The following FAF1 variants were observed in gnomAD, a reference collection of about 807,000 sequenced individuals.
FAF1 encodes Fas associated factor 1.
Under a neutral mutation model 92.5 loss-of-function variants are expected in FAF1, and 25 were observed. The observed-to-expected ratio is 0.27, with a 90% CI of 0.20 to 0.38. The LOEUF (loss-of-function observed/expected upper bound fraction) is 0.38, where lower values mean the gene tolerates loss of function less well. Ranked by LOEUF, FAF1 falls within the 10% of genes least tolerant of loss-of-function variation. The pLI, the probability that FAF1 is intolerant of heterozygous loss-of-function variation, is 1.00. For synonymous variants in FAF1, 234 were observed against 273.2 expected (o/e 0.86, Z 1.42); for missense variants, 636 against 793.3 (o/e 0.80, Z 2.38).
chr1:50,551,239 T>C (rs1649297600), intron 13 of FAF1, among the ~76,000 whole-genome samples: 2 of 152,086 alleles, frequency 1.3e-5, no homozygotes, highest in Non-Finnish European at 1.5e-5. Flanking sequence ...CAGACATATA[T>C]ACAGAGGGAA....
At chr1:50,954,781 G>A (rs904987310) in intron 1 of FAF1, among the ~76,000 whole-genome samples, 8 of 152,084 alleles carry the variant, frequency 5.3e-5, no homozygotes, top group Non-Finnish European at 1.2e-4. Flanking sequence ...GACCTCAAGT[G>A]ATCCGCCTGC....
intron 18 of FAF1, among the ~76,000 whole-genome samples, chr1:50,456,196 TATCCTCCTGCCTC>T (rs1646350621): frequency 6.6e-6 from 1 of 152,092 alleles, no homozygotes; most frequent in South Asian, 2.1e-4. Context: ...GGGCTCAAGT[TATCCTCCTGCCTC>T]AGCCTCCTGA....
At chr1:50,615,794 C>T (rs116039828) in intron 8 of FAF1, among the ~76,000 whole-genome samples, 1,976 of 151,860 alleles carry the variant, frequency 0.013, 43 homozygotes, top group African/African-American at 0.044. Context: ...GTATTTTCTC[C>T]CATTCTGTAT....
intron 1 of FAF1, among the ~76,000 whole-genome samples, chr1:50,911,891 A>G (rs1248530592): frequency 6.6e-6 from 1 of 151,816 alleles, no homozygotes; most frequent in Admixed American, 6.6e-5. Flanking sequence ...AGAAAAATCA[A>G]TCAGGCATGG....
In FAF1 at chr1:50,583,764, A is replaced by G; in HGVS notation, c.968-49T>C. The G allele has an allele frequency of 4.7e-6, 6 of 1,271,074 alleles. No individual in the cohort carries two copies. Among genetic ancestry groups the G allele is most frequent in the Non-Finnish European group, 6.7e-6 (6 of 892,406 alleles). 78.7% of individuals were successfully genotyped at this position (1,271,074 alleles called of 1,614,324 possible). ...ACAAAAACAAAAAAACAAAACAAAT[A>G]GACACAAAAACAAACCACATAACAT... On this transcript the variant is annotated intron_variant, in intron 10 of 18. Coordinates refer to ENST00000396153, the MANE Select transcript of FAF1 (RefSeq NM_007051.3). The surrounding 1 kb of genome is among the most constrained non-coding windows in gnomAD (Gnocchi z 4.2).
At chr1:50,923,771 C>T (rs1321922043) in intron 1 of FAF1, among the ~76,000 whole-genome samples, 1 of 152,190 alleles carries the variant, frequency 6.6e-6, no homozygotes, top group Non-Finnish European at 1.5e-5. Context: ...GATGGCTCAA[C>T]ATGCACAAAT....
rs577733848 is a variant in FAF1 at position 50,541,120 on chromosome 1, A to G, written c.1269-1392T>C. ...ATTCAAAACAGAATCAAACCTCTTA[A>G]TTTTTAAAGCCAATACATTTTCTGT... On this transcript the variant is annotated intron_variant, in intron 13 of 18. Transcript: ENST00000396153. 3.7e-3 allele frequency among the ~76,000 whole-genome samples: 562 copies of G among 152,298 alleles called. 1 individual carries two copies. Among genetic ancestry groups the G allele is most frequent in the Non-Finnish European group, 6.5e-3 (441 of 68,024 alleles).
In FAF1 at chr1:50,801,612, T is replaced by C. The variant is rs12082253; in HGVS notation, c.161+19A>G. 3.9e-3 allele frequency: 5,557 copies of C among 1,431,396 alleles called. 171 individuals carry two copies. The African/African-American group carries it at 0.07, about 18-fold the overall frequency. The allele number at this position is 1,431,396 out of a possible 1,614,324, so 88.7% of individuals were successfully genotyped here. ...TGTTCTGCTAAGTCATCTTAACTGG[T>C]AAGCACTTTATAACATACCTTTGTA... is the stretch of plus-strand genomic sequence containing the variant. On this transcript the variant is annotated intron_variant, in intron 3 of 18. Transcript: ENST00000396153.
intron 15 of FAF1, among the ~76,000 whole-genome samples, chr1:50,501,939 C>T (rs1010533153): frequency 3.3e-5 from 5 of 151,938 alleles, no homozygotes; most frequent in African/African-American, 1.2e-4. Flanking sequence ...TTGTAATAGC[C>T]AAAAACTAGG....
rs963690264 is a variant in FAF1, at chr1:50,546,000, C to T, written c.1269-6272G>A. On this transcript the variant is annotated intron_variant, in intron 13 of 18. Coordinates refer to ENST00000396153, the MANE Select transcript of FAF1 (RefSeq NM_007051.3). ...CTGGATAACAAAGTGAGACCTGCCT[C>T]TACAAAAAATAAAAAAATTAGTTGG... 1.3e-5 allele frequency among the ~76,000 whole-genome samples: 2 copies of T among 152,244 alleles called. 1 individual carries two copies. Among genetic ancestry groups the T allele is most frequent in the East Asian group, 3.9e-4 (2 of 5,174 alleles).
chr1:50,713,266 C>T (rs1288037505), intron 6 of FAF1, among the ~76,000 whole-genome samples: 1 of 83,714 alleles, frequency 1.2e-5, no homozygotes, highest in African/African-American at 7.3e-5. Context: ...AAAAAAAAGG[C>T]ATGTTTTCTT....
chr1:50,959,566 A>C (rs1256984801), intron 1 of FAF1: 1 of 387,494 alleles, frequency 2.6e-6, no homozygotes, highest in Non-Finnish European at 4.9e-6. Flanking sequence ...ACCCGTACTT[A>C]ACACATTCTA....
chr1:50,621,842 C>T (rs966252450), intron 8 of FAF1, among the ~76,000 whole-genome samples: 1 of 152,094 alleles, frequency 6.6e-6, no homozygotes, highest in African/African-American at 2.4e-5. Flanking sequence ...CCATGCCGAC[C>T]ACACTCCTGT....
intron 7 of FAF1, among the ~76,000 whole-genome samples, chr1:50,682,058 C>G (rs1004732107): frequency 1.3e-5 from 2 of 151,750 alleles, no homozygotes; most frequent in African/African-American, 4.8e-5. Context: ...TGGTCATGAA[C>G]TCCTGGGCTC....
chr1:50,744,401 A>G (rs145920112), intron 5 of FAF1, among the ~76,000 whole-genome samples: 1 of 152,294 alleles, frequency 6.6e-6, no homozygotes, highest in East Asian at 1.9e-4. Flanking sequence ...GAAAAAGGTA[A>G]AGCCTCTCAA....
At chr1:50,718,898 A>G (rs2124449944) in intron 6 of FAF1, among the ~76,000 whole-genome samples, 1 of 152,288 alleles carries the variant, frequency 6.6e-6, no homozygotes, top group Admixed American at 6.5e-5. Context: ...TCCATTCTAA[A>G]CTTACAGAGT....
At chr1:50,954,074 G>A (rs1358229918) in intron 1 of FAF1, among the ~76,000 whole-genome samples, 4 of 151,566 alleles carry the variant, frequency 2.6e-5, no homozygotes, top group Non-Finnish European at 4.4e-5. Context: ...TCAGCCTCCC[G>A]AGTAGCTGGG....
chr1:50,561,469 T>C (rs1489467234), intron 13 of FAF1, among the ~76,000 whole-genome samples: 1 of 152,194 alleles, frequency 6.6e-6, no homozygotes, highest in African/African-American at 2.4e-5. Flanking sequence ...AAACTGGTAC[T>C]CTCTTGCTAT....
chr1:50,734,650 C>T (rs1659065179), intron 6 of FAF1, among the ~76,000 whole-genome samples: 1 of 151,080 alleles, frequency 6.6e-6, no homozygotes, highest in Non-Finnish European at 1.5e-5. Flanking sequence ...AGGAGAATGG[C>T]GTGAACCCAG....
Sources: allele counts gnomAD v4.1 joint callset (sites outside exome capture counted in the v4.1 genomes callset), GRCh38; gene constraint gnomAD v4.1.1; non-coding constraint Gnocchi (gnomAD v3.1); transcripts MANE v1.5; gene names NCBI Gene and HGNC (gene_info 2026-07-23, HGNC 2026-07-21).